The following LURAP1L variants were observed in gnomAD, a reference collection of about 807,000 sequenced individuals.
LURAP1L encodes the protein leucine rich adaptor protein 1-like.
LURAP1L carries 12 observed loss-of-function variants against 13.8 expected under a neutral mutation model. That is an observed-to-expected ratio of 0.87 (90% CI 0.56 to 1.41). The LOEUF (loss-of-function observed/expected upper bound fraction) is 1.41. Among genes scored for constraint, LURAP1L ranks in the 40% most tolerant of loss-of-function variants. LURAP1L has a pLI of 0.00. For missense variants in LURAP1L, 375 were observed against 292.9 expected, an observed-to-expected ratio of 1.28 and a Z score of -2.04; for synonymous variants, 139 against 119.2, an observed-to-expected ratio of 1.17 and a Z score of -1.08.
intron 1 of LURAP1L, among the ~76,000 whole-genome samples, chr9:12,779,950 G>C (rs1190320351): frequency 1.3e-5 from 2 of 151,930 alleles, no homozygotes; most frequent in Non-Finnish European, 2.9e-5. Context: ...TTTCCTTTTG[G>C]CCACTATCAC....
chr9:12,787,318 C>G (rs1819370538), intron 1 of LURAP1L, among the ~76,000 whole-genome samples: 1 of 151,890 alleles, frequency 6.6e-6, no homozygotes, highest in Non-Finnish European at 1.5e-5. Flanking sequence ...CATGACGCAG[C>G]CATTTGTATA....
At position 12,777,661 on chromosome 9, in the gene LURAP1L, T is replaced by G. The variant is rs184221961; in HGVS notation, c.312+1634T>G. On this transcript the variant is annotated intron_variant, in intron 1 of 1. Coordinates refer to ENST00000319264, the MANE Select transcript of LURAP1L (RefSeq NM_203403.2). ...GACACTCAGACACAATTTAGAGTAT[T>G]TATATATAACTTGAAAACAGTAACA... The G allele has an allele frequency of 2.5e-4, 199 of 801,648 alleles. No individual in the cohort carries two copies. The African/African-American group carries it at 3.3e-3, about 13-fold the overall frequency. 49.7% of individuals were successfully genotyped at this position (801,648 alleles called of 1,614,324 possible).
At chr9:12,801,176 G>T (rs572507916) in intron 1 of LURAP1L, among the ~76,000 whole-genome samples, 6 of 152,072 alleles carry the variant, frequency 3.9e-5, no homozygotes, top group African/African-American at 1.4e-4. Context: ...CCTCTTAATT[G>T]TAGCAATTAT....
At chr9:12,817,466 G>T (rs1708452438) in intron 1 of LURAP1L, among the ~76,000 whole-genome samples, 1 of 152,138 alleles carries the variant, frequency 6.6e-6, no homozygotes, top group Non-Finnish European at 1.5e-5. Flanking sequence ...CCATTAGAAA[G>T]ATTATGATTT....
intron 1 of LURAP1L, among the ~76,000 whole-genome samples, chr9:12,802,369 C>G (rs939585729): frequency 2.0e-5 from 3 of 152,144 alleles, no homozygotes; most frequent in Admixed American, 6.5e-5. Context: ...TTTCACATCA[C>G]TCTCCTTGAT....
chr9:12,811,845 G>A (rs1265134339), intron 1 of LURAP1L, among the ~76,000 whole-genome samples: 1 of 152,202 alleles, frequency 6.6e-6, no homozygotes, highest in Non-Finnish European at 1.5e-5. Context: ...AAGGCCCCTG[G>A]ATCGGGGTCT....
rs764870355 is a variant in LURAP1L at position 12,821,490 on chromosome 9, C to G, written c.417C>G (p.Thr139=). Residue 139 remains threonine (T), a synonymous_variant, in exon 2 of 2, where the codon ACC becomes ACG. Coordinates refer to ENST00000319264, the MANE Select transcript of LURAP1L (RefSeq NM_203403.2). ...TGATCGAAGAAAAAGCCACCATTAC[C>G]AGCAGAGGCAGCAGCCTCAGTGGCA... The part of the protein sequence containing the change: ...KWMIEEKATI[T]SRGSSLSGSL... 18 of 1,614,038 alleles carry G rather than the reference C, an allele frequency of 1.1e-5. No homozygotes were observed. The South Asian group carries it at 1.9e-4, about 17-fold the overall frequency.
chr9:12,817,771 G>A (rs923216999), intron 1 of LURAP1L, among the ~76,000 whole-genome samples: 3 of 152,174 alleles, frequency 2.0e-5, no homozygotes, highest in Admixed American at 6.5e-5. Context: ...GAAAGGCGGG[G>A]CAGCTACTAG....
chr9:12,798,838 C>T (rs958566388), intron 1 of LURAP1L, among the ~76,000 whole-genome samples: 3 of 152,102 alleles, frequency 2.0e-5, no homozygotes, highest in African/African-American at 4.8e-5. Flanking sequence ...GCAAAATGTG[C>T]GAGTGACCCT....
rs976094802 is a variant in LURAP1L, at chr9:12,809,688, G to T, written c.313-11698G>T. 1.9e-4 allele frequency among the ~76,000 whole-genome samples: 29 copies of T among 152,174 alleles called. 1 individual carries two copies. In the South Asian group the frequency reaches 6.0e-3, roughly 32 times the overall value. On this transcript the variant is annotated intron_variant, in intron 1 of 1. Coordinates refer to ENST00000319264, the MANE Select transcript of LURAP1L (RefSeq NM_203403.2). ...CTTTTAGAGTGGCTTGTAATTCTTT[G>T]TTGAAGGCTGGATATGATATAAAAG...
intron 1 of LURAP1L, among the ~76,000 whole-genome samples, chr9:12,807,662 C>T (rs111398506): frequency 1.3e-5 from 2 of 152,162 alleles, no homozygotes; most frequent in Non-Finnish European, 2.9e-5. Context: ...TGTATTTAGA[C>T]TATTCACATT....
chr9:12,775,619 C>T lies in LURAP1L; in HGVS notation c.-97C>T, dbSNP rs1289260854. ...AGCGGCGGAGGATAGAGACCCTGGCCCCCGGAGAGGTCTGCTGATTTCGCA... is the reference window on the plus strand; with the variant it reads ...AGCGGCGGAGGATAGAGACCCTGGCTCCCGGAGAGGTCTGCTGATTTCGCA... On this transcript the variant is annotated 5_prime_UTR_variant, in exon 1 of 2. Coordinates refer to ENST00000319264, the MANE Select transcript of LURAP1L (RefSeq NM_203403.2). The T allele has an allele frequency of 4.7e-6, 7 of 1,475,220 alleles. No individual in the cohort carries two copies. Among genetic ancestry groups the T allele is most frequent in the Admixed American group, 5.3e-5 (2 of 37,470 alleles). 91.4% of individuals were successfully genotyped at this position (1,475,220 alleles called of 1,614,324 possible).
chr9:12,810,577 G>A (rs924172133), intron 1 of LURAP1L, among the ~76,000 whole-genome samples: 2 of 152,098 alleles, frequency 1.3e-5, no homozygotes, highest in Non-Finnish European at 2.9e-5. Flanking sequence ...TTTTAAGAAT[G>A]GCACTATATT....
intron 1 of LURAP1L, among the ~76,000 whole-genome samples, chr9:12,790,203 T>G (rs912126452): frequency 5.3e-5 from 8 of 152,148 alleles, no homozygotes; most frequent in African/African-American, 1.9e-4. Context: ...CATCTGTCAC[T>G]TTCCTATTGT....
At chr9:12,793,511 C>T (rs1819472365) in intron 1 of LURAP1L, among the ~76,000 whole-genome samples, 1 of 152,020 alleles carries the variant, frequency 6.6e-6, no homozygotes, top group African/African-American at 2.4e-5. Flanking sequence ...TATTGCCCTC[C>T]TTTCCAACAA....
rs575846082 is a variant in LURAP1L, at chr9:12,820,553, G to A, written c.313-833G>A. On this transcript the variant is annotated intron_variant, in intron 1 of 1. Transcript: ENST00000319264. The stretch of plus-strand genomic sequence containing the variant: ...GACCACACACCTAGAAGGCACATAA[G>A]GGAATTCTCAGACCTTCCCAACATC... 1.2e-4 allele frequency among the ~76,000 whole-genome samples: 15 copies of A among 128,468 alleles called. No individual in the cohort carries two copies. In the East Asian group the frequency reaches 2.1e-3, roughly 18 times the overall value. 84.3% of individuals were successfully genotyped at this position (128,468 alleles called of 152,430 possible). A position where few individuals can be genotyped will look rare whatever the true frequency, so the allele number is the denominator to read the frequency against.
At chr9:12,793,948 G>A (rs1819479509) in intron 1 of LURAP1L, among the ~76,000 whole-genome samples, 1 of 152,066 alleles carries the variant, frequency 6.6e-6, no homozygotes, top group Non-Finnish European at 1.5e-5. Context: ...CGCTTTCTGT[G>A]TTAGAGGCTT....
rs1441611426 is a variant in LURAP1L, at chr9:12,793,870, A to G, written c.312+17843A>G. Among the ~76,000 whole-genome samples, 5 of 152,124 alleles carry G rather than the reference A, an allele frequency of 3.3e-5. No homozygotes were observed. The South Asian group carries it at 1.0e-3, about 31-fold the overall frequency. On this transcript the variant is annotated intron_variant, in intron 1 of 1. Coordinates refer to ENST00000319264, the MANE Select transcript of LURAP1L (RefSeq NM_203403.2). ...CATTTTGATTTAATTAATAAATAAAATGAGCTCAAAATATGGTCATTAGTA... is the reference window on the plus strand; with the variant it reads ...CATTTTGATTTAATTAATAAATAAAGTGAGCTCAAAATATGGTCATTAGTA...
intron 1 of LURAP1L, among the ~76,000 whole-genome samples, chr9:12,784,653 G>A (rs1367997047): frequency 6.6e-6 from 1 of 152,164 alleles, no homozygotes; most frequent in Non-Finnish European, 1.5e-5. Flanking sequence ...AGCCAACACA[G>A]TACTTGATGT....
Sources: allele counts gnomAD v4.1 joint callset (sites outside exome capture counted in the v4.1 genomes callset), GRCh38; gene constraint gnomAD v4.1.1; transcripts MANE v1.5; gene names NCBI Gene and HGNC (gene_info 2026-07-23, HGNC 2026-07-21).